DLGAP2: variants seen among roughly 807,000 people sequenced by gnomAD.
DLGAP2 encodes disks large-associated protein 2.
A neutral mutation model predicts 100.3 loss-of-function variants in DLGAP2; 26 were observed. The ratio of observed to expected loss-of-function variants is 0.26; its 90% confidence interval spans 0.19 to 0.36. The LOEUF is 0.36. Ranked by LOEUF, DLGAP2 falls within the 10% of genes least tolerant of loss-of-function variation. The probability of loss-of-function intolerance (pLI) is 1.00; values close to 1 mark genes in which losing one functional copy is unlikely to be tolerated. For missense variants in DLGAP2, 1,858 were observed against 1,453.2 expected (o/e 1.28, Z -4.53); for synonymous variants, 886 against 630.1 (o/e 1.41, Z -6.08).
At chr8:1,339,433 T>A (rs189568926) in intron 3 of DLGAP2, among the ~76,000 whole-genome samples, 1 of 152,208 alleles carries the variant, frequency 6.6e-6, no homozygotes, top group Non-Finnish European at 1.5e-5. Flanking sequence ...AAGAAGGTGA[T>A]TCCTGGGACA....
chr8:796,790 T>C (rs968344916), intron 1 of DLGAP2, among the ~76,000 whole-genome samples: 5 of 152,230 alleles, frequency 3.3e-5, no homozygotes, highest in African/African-American at 1.2e-4. Context: ...TTTCTGCAGC[T>C]ACATCTCCAC....
At chr8:1,460,233 G>T (rs540915147) in intron 3 of DLGAP2, among the ~76,000 whole-genome samples, 1 of 152,280 alleles carries the variant, frequency 6.6e-6, no homozygotes, top group South Asian at 2.1e-4. Context: ...AAGACCACTT[G>T]CTCCAATACA....
intron 2 of DLGAP2, among the ~76,000 whole-genome samples, chr8:1,121,122 C>G (rs551567080): frequency 7.2e-5 from 11 of 152,020 alleles, no homozygotes; most frequent in African/African-American, 2.2e-4. Flanking sequence ...CCCATGACCT[C>G]CCATCCTCGT....
rs147657455 is a variant in DLGAP2, at chr8:1,057,801, T to C, written c.73+149835T>C. 6.0e-4 allele frequency among the ~76,000 whole-genome samples: 92 copies of C among 152,306 alleles called. 3 individuals are homozygous for C. In the East Asian group the frequency reaches 0.017, roughly 28 times the overall value. ...AAGAGAACAAAAGGGAGATAATCTT[T>C]AGTTCAATGTAGCAAAACAAAGTAC... is the stretch of plus-strand genomic sequence containing the variant. On this transcript the variant is annotated intron_variant, in intron 2 of 14. Transcript: ENST00000637795.
At chr8:1,623,340 G>A (rs1203815606) in intron 6 of DLGAP2, among the ~76,000 whole-genome samples, 1 of 151,880 alleles carries the variant, frequency 6.6e-6, no homozygotes, top group Non-Finnish European at 1.5e-5. Flanking sequence ...CCTGGCACCA[G>A]TGTGTGAAGA....
intron 3 of DLGAP2, among the ~76,000 whole-genome samples, chr8:1,330,349 G>C (rs1334532710): frequency 6.7e-6 from 1 of 149,486 alleles, no homozygotes; most frequent in African/African-American, 2.5e-5. Context: ...CGCGGGGACT[G>C]AGTTCTGGGT....
At chr8:1,160,875 T>C (rs1026921542) in intron 2 of DLGAP2, among the ~76,000 whole-genome samples, 2 of 152,186 alleles carry the variant, frequency 1.3e-5, no homozygotes, top group Non-Finnish European at 2.9e-5. Flanking sequence ...TAAATCTGAG[T>C]CTAGCAATCA....
intron 2 of DLGAP2, among the ~76,000 whole-genome samples, chr8:920,594 A>G (rs988071520): frequency 6.6e-6 from 1 of 151,926 alleles, no homozygotes; most frequent in Non-Finnish European, 1.5e-5. Flanking sequence ...CATCTCTACT[A>G]AAAACAATTA....
In DLGAP2 at chr8:1,706,330, A is replaced by G. The variant is rs962806038; in HGVS notation, c.*4924A>G. 1.3e-5 allele frequency: 2 copies of G among 152,192 alleles called. No individual in the cohort carries two copies. The highest frequency in any genetic ancestry group is 1.3e-4 in the Admixed American group (2 of 15,278). 9.4% of individuals were successfully genotyped at this position (152,192 alleles called of 1,614,324 possible). A position where few individuals can be genotyped will look rare whatever the true frequency, so the allele number is the denominator to read the frequency against. On this transcript the variant is annotated 3_prime_UTR_variant, in exon 15 of 15. Coordinates refer to ENST00000637795, the MANE Select transcript of DLGAP2 (RefSeq NM_001346810.2). ...TCTTCCTCCAGGACACACTGTGAGG[A>G]TTAATGACATATTGGCTCTAAAGTC...
intron 2 of DLGAP2, among the ~76,000 whole-genome samples, chr8:1,112,929 C>T (rs546275266): frequency 1.3e-5 from 2 of 152,164 alleles, no homozygotes; most frequent in Non-Finnish European, 1.5e-5. Flanking sequence ...TATGACTAGC[C>T]GGTTATCCCA....
intron 2 of DLGAP2, chr8:1,019,286 A>G (rs1801560958): frequency 1.3e-5 from 2 of 152,020 alleles, no homozygotes; most frequent in African/African-American, 4.8e-5. Flanking sequence ...GGAGCTCAGA[A>G]GCCTCTCTCT....
At chr8:1,189,134 C>T (rs1007619734) in intron 2 of DLGAP2, among the ~76,000 whole-genome samples, 3 of 143,846 alleles carry the variant, frequency 2.1e-5, no homozygotes, top group Non-Finnish European at 3.0e-5. Context: ...ATGGCGGTTC[C>T]GCTGTTGGGG....
intron 2 of DLGAP2, among the ~76,000 whole-genome samples, chr8:1,196,206 A>C (rs1239202473): frequency 6.6e-6 from 1 of 152,194 alleles, no homozygotes; most frequent in Non-Finnish European, 1.5e-5. Context: ...TTGTTTGGTA[A>C]AATATCCTTC....
At chr8:747,322 A>G (rs1820641476) in intron 1 of DLGAP2, among the ~76,000 whole-genome samples, 2 of 152,046 alleles carry the variant, frequency 1.3e-5, no homozygotes, top group Admixed American at 1.3e-4. Flanking sequence ...ACCTCCTCTG[A>G]AAACCATCGA....
chr8:848,013 G>A (rs936508885), intron 1 of DLGAP2, among the ~76,000 whole-genome samples: 2 of 152,048 alleles, frequency 1.3e-5, no homozygotes. Flanking sequence ...TTGTTTAGTG[G>A]CACCTGCAAG....
intron 3 of DLGAP2, among the ~76,000 whole-genome samples, chr8:1,315,922 TGCGA>T: frequency 1.5e-5 from 2 of 135,502 alleles, no homozygotes; most frequent in Non-Finnish European, 1.6e-5. Context: ...ATAGAGCGTG[TGCGA>T]GTGCAGCCTC....
intron 3 of DLGAP2, among the ~76,000 whole-genome samples, chr8:1,424,997 G>A (rs959351746): frequency 6.6e-6 from 1 of 152,178 alleles, no homozygotes; most frequent in Admixed American, 6.5e-5. Context: ...CACTGAAATA[G>A]ACAAAAATGC....
chr8:913,537 T>C (rs1798531955), intron 2 of DLGAP2, among the ~76,000 whole-genome samples: 2 of 152,238 alleles, frequency 1.3e-5, no homozygotes, highest in South Asian at 4.1e-4. Context: ...TAAAGCTATG[T>C]AGACAATGAC....
chr8:1,547,783 C>A (rs949143452), intron 4 of DLGAP2, among the ~76,000 whole-genome samples: 1 of 152,124 alleles, frequency 6.6e-6, no homozygotes, highest in Non-Finnish European at 1.5e-5. Context: ...AGGAGTCAAG[C>A]GGGATTCCTC....
Sources: gnomAD v4.1 joint callset for allele counts (sites outside exome capture counted in the v4.1 genomes callset) on GRCh38, gnomAD v4.1.1 for gene constraint, MANE v1.5 for transcripts, NCBI Gene and HGNC (gene_info 2026-07-23, HGNC 2026-07-21) for gene names.